UNC13B: variants seen among roughly 807,000 people sequenced by gnomAD.
UNC13B encodes the protein protein unc-13 homolog B.
UNC13B carries 144 observed loss-of-function variants against 211.0 expected under a neutral mutation model. The observed-to-expected ratio is 0.68, with a 90% confidence interval of 0.60 to 0.78. The LOEUF (loss-of-function observed/expected upper bound fraction) is 0.78. UNC13B is among the 30% of genes least tolerant of loss of function. The pLI, the probability that UNC13B is intolerant of heterozygous loss-of-function variation, is 0.00. For missense variants in UNC13B, 1,777 were observed against 2,002.0 expected, an observed-to-expected ratio of 0.89 and a Z score of 2.14; for synonymous variants, 709 against 725.8, an observed-to-expected ratio of 0.98 and a Z score of 0.37.
At chr9:35,289,450 A>G (rs1410373049) in intron 7 of UNC13B, among the ~76,000 whole-genome samples, 1 of 152,152 alleles carries the variant, frequency 6.6e-6, no homozygotes, top group Admixed American at 6.5e-5. Flanking sequence ...CTGTAAGGCA[A>G]GCAAAAACCT....
intron 6 of UNC13B, among the ~76,000 whole-genome samples, chr9:35,246,036 C>G (rs530973858): frequency 2.6e-5 from 4 of 152,166 alleles, no homozygotes; most frequent in African/African-American, 9.6e-5. Context: ...TTTTAATGAT[C>G]GCCATTCTAA....
chr9:35,381,832 A>G (rs1000095127), intron 20 of UNC13B, 113 bp downstream of exon 20: 5 of 1,341,486 alleles, frequency 3.7e-6, no homozygotes, highest in Non-Finnish European at 5.2e-6. Context: ...TGATTCCTTT[A>G]CTTTCCTCTC....
intron 11 of UNC13B, among the ~76,000 whole-genome samples, chr9:35,314,244 A>G (rs913822516): frequency 2.0e-5 from 3 of 152,106 alleles, no homozygotes; most frequent in African/African-American, 7.2e-5. Flanking sequence ...AGTACTGTTC[A>G]TTGTCTCTTT....
intron 8 of UNC13B, among the ~76,000 whole-genome samples, chr9:35,298,849 T>A (rs570990293): frequency 1.3e-5 from 2 of 152,228 alleles, no homozygotes; most frequent in African/African-American, 2.4e-5. Flanking sequence ...GGCATGTAGC[T>A]TCTGCTGCTA....
At chr9:35,180,758 A>G (rs1254918731) in intron 1 of UNC13B, among the ~76,000 whole-genome samples, 2 of 152,072 alleles carry the variant, frequency 1.3e-5, no homozygotes, top group Non-Finnish European at 2.9e-5. Context: ...TTTGTTCATT[A>G]GTTCTGAAAT....
At chr9:35,355,158 T>C (rs555078650) in intron 11 of UNC13B, among the ~76,000 whole-genome samples, 1 of 152,300 alleles carries the variant, frequency 6.6e-6, no homozygotes, top group Non-Finnish European at 1.5e-5. Context: ...GAGCAGTATG[T>C]ATAAGATGCT....
At chr9:35,354,572 T>A (rs540451653) in intron 11 of UNC13B, among the ~76,000 whole-genome samples, 1 of 152,322 alleles carries the variant, frequency 6.6e-6, no homozygotes, top group South Asian at 2.1e-4. Flanking sequence ...AAGAGAACAT[T>A]TTTCTAGGCA....
At chr9:35,369,305 A>G (rs1366217103) in intron 12 of UNC13B, among the ~76,000 whole-genome samples, 1 of 152,204 alleles carries the variant, frequency 6.6e-6, no homozygotes, top group Non-Finnish European at 1.5e-5. Context: ...CTTTGCTCTC[A>G]TTAAAACCAA....
chr9:35,398,301 G>A lies in UNC13B; in HGVS notation c.11832+13G>A, dbSNP rs1292459720. On this transcript the variant is annotated intron_variant, in intron 31 of 39. Coordinates refer to ENST00000635942, the MANE Select transcript of UNC13B (RefSeq NM_001371189.2). ...GGGAGGCAAGGAGGTAGGTCTTAGG[G>A]TTTGGGAGTCACTGTATTTTCCCTT... The A allele has an allele frequency of 6.2e-7, 1 of 1,611,630 alleles. No homozygotes were observed. The highest frequency in any genetic ancestry group is 1.7e-5 in the Admixed American group (1 of 59,900).
intron 5 of UNC13B, among the ~76,000 whole-genome samples, chr9:35,239,875 C>T (rs1301771721): frequency 6.6e-6 from 1 of 152,192 alleles, no homozygotes; most frequent in Non-Finnish European, 1.5e-5. Context: ...CTCTCTTTTT[C>T]CCTGAACATC....
intron 6 of UNC13B, among the ~76,000 whole-genome samples, chr9:35,255,067 A>G (rs1826792006): frequency 8.2e-6 from 1 of 121,714 alleles, no homozygotes; most frequent in African/African-American, 3.2e-5. Context: ...TATATTATGT[A>G]TAATATAATA....
intron 3 of UNC13B, among the ~76,000 whole-genome samples, chr9:35,234,665 T>C (rs1191646747): frequency 6.6e-6 from 1 of 152,200 alleles, no homozygotes; most frequent in Non-Finnish European, 1.5e-5. Flanking sequence ...ATATTATGTT[T>C]CTACTCCAAA....
intron 1 of UNC13B, among the ~76,000 whole-genome samples, chr9:35,213,220 T>C (rs1455709657): frequency 6.6e-6 from 1 of 152,180 alleles, no homozygotes; most frequent in Non-Finnish European, 1.5e-5. Context: ...ATGAGGCCTT[T>C]TGGAGGTCAT....
intron 12 of UNC13B, among the ~76,000 whole-genome samples, chr9:35,369,774 G>A (rs1332239269): frequency 1.3e-5 from 2 of 152,142 alleles, no homozygotes; most frequent in Non-Finnish European, 2.9e-5. Flanking sequence ...CCATGGAGAA[G>A]GCTTTTCTTC....
chr9:35,403,654 TG>T, intron 39 of UNC13B, 55 bp downstream of exon 39: 2 of 186,406 alleles, frequency 1.1e-5, no homozygotes, highest in Non-Finnish European at 1.5e-5. Context: ...ACTTGAGGGG[TG>T]GGGGGAGAGG....
intron 7 of UNC13B, among the ~76,000 whole-genome samples, chr9:35,275,606 A>G (rs949687741): frequency 6.6e-6 from 1 of 152,092 alleles, no homozygotes; most frequent in Non-Finnish European, 1.5e-5. Flanking sequence ...TCATTCATTT[A>G]TTCTGAGATG....
chr9:35,310,372 A>G, intron 9 of UNC13B, 95 bp from the exon 10 acceptor site: 1 of 1,312,134 alleles, frequency 7.6e-7, no homozygotes, highest in Middle Eastern at 1.9e-4. Context: ...GATTCTTGCT[A>G]CTAATGTAGT....
intron 9 of UNC13B, among the ~76,000 whole-genome samples, chr9:35,310,054 A>G (rs1830109257): frequency 6.6e-6 from 1 of 152,228 alleles, no homozygotes; most frequent in Non-Finnish European, 1.5e-5. Flanking sequence ...AAAAGAGTGG[A>G]GTTCATTCAT....
At chr9:35,384,800 A>C (rs1564187252) in intron 22 of UNC13B, 1 of 911,240 alleles carries the variant, frequency 1.1e-6, no homozygotes, top group East Asian at 1.2e-4. Flanking sequence ...GGAAATAGGT[A>C]TAGTAGGAGG....
Sources: gnomAD v4.1 joint callset for allele counts (sites outside exome capture counted in the v4.1 genomes callset) on GRCh38, gnomAD v4.1.1 for gene constraint, MANE v1.5 for transcripts, NCBI Gene and HGNC (gene_info 2026-07-23, HGNC 2026-07-21) for gene names.